PLCE1: variants seen among roughly 807,000 people sequenced by gnomAD.
The protein encoded by PLCE1 is phospholipase C epsilon 1, also known as 1-phosphatidylinositol 4,5-bisphosphate phosphodiesterase epsilon-1.
In PLCE1, 119 loss-of-function variants were observed where a neutral mutation model predicts 242.8. That is an observed-to-expected ratio of 0.49 (90% CI 0.42 to 0.57). PLCE1 has a LOEUF of 0.57. Among genes scored for constraint, PLCE1 ranks in the 20% least tolerant of loss-of-function variants. The pLI, the probability that PLCE1 is intolerant of heterozygous loss-of-function variation, is 0.00. For synonymous variants in PLCE1, 945 were observed against 1,017.4 expected (o/e 0.93, Z 1.35); for missense variants, 2,441 against 2,788.8 (o/e 0.88, Z 2.81).
chr10:94,030,601 G>A (rs1292412286), intron 1 of PLCE1, among the ~76,000 whole-genome samples, 82 bp from the exon 2 acceptor site: 1 of 151,540 alleles, frequency 6.6e-6, no homozygotes, highest in African/African-American at 2.4e-5. Context: ...TCTCAAAATT[G>A]TCTGTATCTT....
chr10:94,325,494 C>CT (rs1225253072), intron 32 of PLCE1: 2 of 198,952 alleles, frequency 1.0e-5, no homozygotes, highest in Non-Finnish European at 2.1e-5. Context: ...ACTGGGGAGG[C>CT]TGAGGCAGGA....
chr10:94,115,505 C>T (rs990406494), intron 2 of PLCE1, among the ~76,000 whole-genome samples: 3 of 152,210 alleles, frequency 2.0e-5, no homozygotes, highest in African/African-American at 7.2e-5. Context: ...ATTTGCATTT[C>T]TCTGATGGCC....
intron 4 of PLCE1, among the ~76,000 whole-genome samples, chr10:94,182,544 A>T (rs2048347441): frequency 6.6e-6 from 1 of 151,960 alleles, no homozygotes; most frequent in East Asian, 1.9e-4. Flanking sequence ...TGCTGGGATT[A>T]TAAGCCTGAG....
chr10:94,100,512 G>A (rs1324022177), intron 2 of PLCE1: 1 of 152,186 alleles, frequency 6.6e-6, no homozygotes, highest in African/African-American at 2.4e-5. Flanking sequence ...TGCGTAAGAA[G>A]TTTATTCCCA....
intron 30 of PLCE1, among the ~76,000 whole-genome samples, chr10:94,323,272 A>C (rs1410615656): frequency 6.6e-6 from 1 of 152,166 alleles, no homozygotes; most frequent in African/African-American, 2.4e-5. Context: ...AGGGTAGGCC[A>C]TTCATCAAAC....
At chr10:94,236,504 G>T (rs1389803475) in intron 7 of PLCE1, among the ~76,000 whole-genome samples, 4 of 152,074 alleles carry the variant, frequency 2.6e-5, no homozygotes, top group African/African-American at 4.8e-5. Flanking sequence ...GTACTAGGGT[G>T]GGTATTAAGA....
chr10:94,263,150 G>A (rs766346873), intron 14 of PLCE1, among the ~76,000 whole-genome samples: 7 of 152,080 alleles, frequency 4.6e-5, no homozygotes, highest in Non-Finnish European at 1.0e-4. Context: ...GATTACAGGC[G>A]TGAGCCACTG....
At chr10:94,039,350 A>T (rs1198680385) in intron 2 of PLCE1, among the ~76,000 whole-genome samples, 1 of 151,804 alleles carries the variant, frequency 6.6e-6, no homozygotes, top group East Asian at 1.9e-4. Context: ...CATTCCCACC[A>T]GCAATGCAAA....
chr10:94,284,817 A>T, intron 21 of PLCE1, 31 bp from the exon 22 acceptor site: 1 of 1,171,332 alleles, frequency 8.5e-7, no homozygotes, highest in Non-Finnish European at 1.3e-6. Flanking sequence ...TATACCTTCC[A>T]TGTAAAATGG....
chr10:94,240,045 A>G (rs766265905), intron 7 of PLCE1, among the ~76,000 whole-genome samples: 2 of 152,130 alleles, frequency 1.3e-5, no homozygotes, highest in Non-Finnish European at 2.9e-5. Context: ...TTCTTTGGCC[A>G]ACACCTGAGA....
intron 2 of PLCE1, among the ~76,000 whole-genome samples, chr10:94,125,955 G>A (rs907065763): frequency 6.6e-6 from 1 of 152,108 alleles, no homozygotes; most frequent in African/African-American, 2.4e-5. Flanking sequence ...TTTAGTGCAT[G>A]CAAGTCTTTG....
At chr10:94,138,561 G>T (rs531622161) in intron 3 of PLCE1, 47 of 468,768 alleles carry the variant, frequency 1.0e-4, no homozygotes, top group Middle Eastern at 5.6e-4. Flanking sequence ...TCCATCTGGG[G>T]ATCAGTTAGG....
chr10:94,153,370 C>A (rs986105179), intron 3 of PLCE1, among the ~76,000 whole-genome samples: 6 of 152,024 alleles, frequency 3.9e-5, no homozygotes, highest in Non-Finnish European at 7.4e-5. Flanking sequence ...AATCCAACAT[C>A]TTTTTATGAA....
intron 3 of PLCE1, among the ~76,000 whole-genome samples, chr10:94,135,167 A>G (rs2046729701): frequency 6.6e-6 from 1 of 152,226 alleles, no homozygotes; most frequent in South Asian, 2.1e-4. Flanking sequence ...GGTAAAGCAT[A>G]TGTTAGTTAG....
chr10:94,075,393 G>C (rs1341356776), intron 2 of PLCE1, among the ~76,000 whole-genome samples: 1 of 152,170 alleles, frequency 6.6e-6, no homozygotes, highest in Non-Finnish European at 1.5e-5. Context: ...AATTTTGTTT[G>C]AACATGTTAA....
chr10:94,224,585 CT>C (rs1172179001), intron 4 of PLCE1, among the ~76,000 whole-genome samples: 2 of 152,274 alleles, frequency 1.3e-5, no homozygotes, highest in East Asian at 3.9e-4. Flanking sequence ...TGTTTTTTTA[CT>C]TTTCAGGATC....
chr10:94,197,573 G>A (rs1393797200), intron 4 of PLCE1, among the ~76,000 whole-genome samples: 2 of 152,176 alleles, frequency 1.3e-5, no homozygotes, highest in Non-Finnish European at 2.9e-5. Flanking sequence ...TTCCTAAATA[G>A]CTAATGATGT....
chr10:94,188,297 G>A (rs141907012), intron 4 of PLCE1, among the ~76,000 whole-genome samples: 2 of 152,278 alleles, frequency 1.3e-5, no homozygotes, highest in African/African-American at 2.4e-5. Flanking sequence ...CTCTGTTGCT[G>A]TATAAAATAT....
intron 4 of PLCE1, among the ~76,000 whole-genome samples, chr10:94,184,292 A>G (rs1590202210): frequency 6.6e-6 from 1 of 152,160 alleles, no homozygotes; most frequent in Admixed American, 6.5e-5. Flanking sequence ...AAGACCCTGC[A>G]TGGTTTTGCT....
Sources: gnomAD v4.1 joint callset for allele counts (sites outside exome capture counted in the v4.1 genomes callset) on GRCh38, gnomAD v4.1.1 for gene constraint, MANE v1.5 for transcripts, NCBI Gene and HGNC (gene_info 2026-07-23, HGNC 2026-07-21) for gene names.